Variants in OR2L13 observed in about 807,000 individuals in gnomAD.
OR2L13 encodes the protein olfactory receptor family 2 subfamily L member 13.
In OR2L13, 14 loss-of-function variants were observed where a neutral mutation model predicts 15.3. That is an observed-to-expected ratio of 0.91 (90% confidence interval 0.60 to 1.43). OR2L13 has a LOEUF of 1.43. OR2L13 is among the 40% of genes most tolerant of loss of function. The pLI is 0.00. For missense variants in OR2L13, 367 were observed against 387.9 expected, an observed-to-expected ratio of 0.95 and a Z score of 0.45; for synonymous variants, 152 against 142.9, an observed-to-expected ratio of 1.06 and a Z score of -0.45.
At chr1:247,957,312 A>G in the OR2L13 span, among the ~76,000 whole-genome samples, 68 of 152,284 alleles carry the variant, frequency 4.5e-4, no homozygotes, top group Middle Eastern at 3.4e-3. Flanking sequence ...CATGGTGGAT[A>G]AGCTTTTTGA....
chr1:248,062,261 CAAAAGGACT>C, the OR2L13 span: 2 of 152,302 alleles, frequency 1.3e-5, no homozygotes, highest in African/African-American at 4.8e-5. Flanking sequence ...TTTAGATCAA[CAAAAGGACT>C]GGAACATGCC....
the OR2L13 span, among the ~76,000 whole-genome samples, chr1:248,073,648 T>G: frequency 6.7e-6 from 1 of 149,228 alleles, no homozygotes; most frequent in African/African-American, 2.5e-5. Flanking sequence ...AAAAAAGAAT[T>G]AAAAAAATAA....
the OR2L13 span, chr1:247,949,323 T>G: frequency 6.2e-7 from 1 of 1,614,230 alleles, no homozygotes; most frequent in Non-Finnish European, 8.5e-7. Flanking sequence ...GATCAATGCT[T>G]GTGCTCACAC....
At chr1:248,039,304 CAG>C in the OR2L13 span, 17 of 1,142,320 alleles carry the variant, frequency 1.5e-5, no homozygotes, top group Middle Eastern at 1.4e-3. Context: ...GTGTGTCAAA[CAG>C]AAGTTAATCT....
the OR2L13 span, chr1:248,061,023 G>A: frequency 4.3e-6 from 7 of 1,613,978 alleles, no homozygotes; most frequent in South Asian, 7.7e-5. Flanking sequence ...CACTACTTTT[G>A]GCATCTATGG....
the OR2L13 span, among the ~76,000 whole-genome samples, chr1:248,036,799 C>A: frequency 1.3e-5 from 2 of 152,116 alleles, no homozygotes; most frequent in African/African-American, 4.8e-5. Context: ...CAAATCCTGT[C>A]TTTTGAAGAT....
chr1:248,034,643 T>C, the OR2L13 span, among the ~76,000 whole-genome samples: 1 of 152,204 alleles, frequency 6.6e-6, no homozygotes, highest in Admixed American at 6.5e-5. Flanking sequence ...TCTTCTTTGA[T>C]TGTTCTAATC....
chr1:247,946,265 CATATGCAAACAGAA>C, the OR2L13 span, among the ~76,000 whole-genome samples: 1 of 152,126 alleles, frequency 6.6e-6, no homozygotes, highest in Non-Finnish European at 1.5e-5. Context: ...ATAATTATGT[CATATGCAAACAGAA>C]ATAATTTTAC....
chr1:248,071,070 C>A, the OR2L13 span, among the ~76,000 whole-genome samples: 1 of 152,148 alleles, frequency 6.6e-6, no homozygotes, highest in Non-Finnish European at 1.5e-5. Context: ...GGTACCATTC[C>A]TTCTGAAACT....
At chr1:248,095,357 A>G (rs890570353), upstream of OR2L13, 2 of 152,134 alleles carry the variant, frequency 1.3e-5, no homozygotes, top group Non-Finnish European at 2.9e-5. Context: ...CATAAAGACA[A>G]TGACTAGCTG....
chr1:248,053,567 A>G, the OR2L13 span, among the ~76,000 whole-genome samples: 6 of 152,326 alleles, frequency 3.9e-5, no homozygotes, highest in African/African-American at 1.4e-4. Flanking sequence ...TTACATTCCC[A>G]CCAACAGTGT....
the OR2L13 span, chr1:247,949,848 T>G: frequency 7.2e-7 from 1 of 1,393,482 alleles, no homozygotes; most frequent in South Asian, 1.4e-5. Context: ...CATTCAGCAG[T>G]GTATAGTAAT....
At chr1:248,095,607 C>CTTGTTTTTTTTTTTTTTT (rs1664715417), upstream of OR2L13, among the ~76,000 whole-genome samples, 1 of 37,294 alleles carries the variant, frequency 2.7e-5, no homozygotes, top group Admixed American at 6.4e-4. Flanking sequence ...AAAGCTGCTG[C>CTTGTTTTTTTTTTTTTTT]TTTTTTTTTT....
At chr1:248,052,558 C>G in the OR2L13 span, among the ~76,000 whole-genome samples, 9 of 152,164 alleles carry the variant, frequency 5.9e-5, no homozygotes, top group African/African-American at 1.9e-4. Flanking sequence ...GAAACCCCAT[C>G]TCTACTAAAA....
At chr1:247,996,972 G>A in the OR2L13 span, 6 of 152,136 alleles carry the variant, frequency 3.9e-5, no homozygotes, top group Admixed American at 6.5e-5. Context: ...TCATTATACA[G>A]CATATACGTG....
At chr1:248,049,331 T>C in the OR2L13 span, among the ~76,000 whole-genome samples, 1 of 152,216 alleles carries the variant, frequency 6.6e-6, no homozygotes, top group Non-Finnish European at 1.5e-5. Context: ...ATCCATGCAA[T>C]GCAATGATGC....
the OR2L13 span, among the ~76,000 whole-genome samples, chr1:248,069,757 T>C: frequency 6.6e-6 from 1 of 151,670 alleles, no homozygotes; most frequent in African/African-American, 2.4e-5. Flanking sequence ...ACACATAGGC[T>C]CAAAATAAAA....
the OR2L13 span, among the ~76,000 whole-genome samples, chr1:247,945,408 G>A: frequency 6.6e-6 from 1 of 152,270 alleles, no homozygotes; most frequent in Non-Finnish European, 1.5e-5. Context: ...TATTTGCTGA[G>A]GAGTGTTTTA....
At chr1:248,009,371 A>G in the OR2L13 span, among the ~76,000 whole-genome samples, 2 of 152,174 alleles carry the variant, frequency 1.3e-5, no homozygotes, top group African/African-American at 4.8e-5. Context: ...AACACCGACT[A>G]TCATCAGAGA....
Sources: allele counts gnomAD v4.1 joint callset (sites outside exome capture counted in the v4.1 genomes callset), GRCh38; gene constraint gnomAD v4.1.1; transcripts MANE v1.5; gene names NCBI Gene and HGNC (gene_info 2026-07-23, HGNC 2026-07-21).